The following DAB1 variants were observed in gnomAD, a reference collection of about 807,000 sequenced individuals.
DAB1 encodes DAB adaptor protein 1.
Under a neutral mutation model 64.6 loss-of-function variants are expected in DAB1, and 15 were observed. The observed-to-expected ratio is 0.23, with a 90% CI of 0.16 to 0.36. The LOEUF (loss-of-function observed/expected upper bound fraction) is 0.36, where lower values mean the gene tolerates loss of function less well. Among genes scored for constraint, DAB1 ranks in the 10% least tolerant of loss-of-function variants. The pLI, the probability that DAB1 is intolerant of heterozygous loss-of-function variation, is 1.00. For synonymous variants in DAB1, 235 were observed against 251.9 expected, an observed-to-expected ratio of 0.93 and a Z score of 0.64; for missense variants, 596 against 706.7, an observed-to-expected ratio of 0.84 and a Z score of 1.78.
chr1:57,383,619 G>A (rs539712505), intron 1 of DAB1, among the ~76,000 whole-genome samples: 2 of 152,238 alleles, frequency 1.3e-5, no homozygotes, highest in South Asian at 2.1e-4. Context: ...CACATAGAAG[G>A]TCAAATGATT....
chr1:58,252,709 A>G (rs1660832308), intron 4 of DAB1, among the ~76,000 whole-genome samples: 1 of 152,178 alleles, frequency 6.6e-6, no homozygotes, highest in African/African-American at 2.4e-5. Flanking sequence ...TGAGAAAGCT[A>G]AACCCCAGAC....
chr1:58,340,842 A>G (rs1356627252), intron 4 of DAB1, among the ~76,000 whole-genome samples: 1 of 152,228 alleles, frequency 6.6e-6, no homozygotes, highest in Non-Finnish European at 1.5e-5. Flanking sequence ...AATGGAATAC[A>G]TACTTCTCAG....
chr1:58,216,703 C>T (rs891642134), intron 4 of DAB1, among the ~76,000 whole-genome samples: 2 of 152,196 alleles, frequency 1.3e-5, no homozygotes, highest in Non-Finnish European at 2.9e-5. Flanking sequence ...TGTTTCCTGA[C>T]TTTTTAATGA....
chr1:58,197,233 C>T (rs933611230), intron 4 of DAB1, among the ~76,000 whole-genome samples: 1 of 152,094 alleles, frequency 6.6e-6, no homozygotes, highest in Non-Finnish European at 1.5e-5. Flanking sequence ...TAAACCCTGA[C>T]AAGATCTATT....
intron 5 of DAB1, chr1:58,074,536 A>C (rs1241014382): frequency 9.3e-6 from 1 of 107,400 alleles, no homozygotes; most frequent in Non-Finnish European, 1.8e-5. Flanking sequence ...ATATATATAT[A>C]TATATATACA....
At chr1:58,338,433 T>C (rs1663173293) in intron 4 of DAB1, among the ~76,000 whole-genome samples, 1 of 152,238 alleles carries the variant, frequency 6.6e-6, no homozygotes, top group Non-Finnish European at 1.5e-5. Context: ...AAGGCATAGA[T>C]ATTCTTCAAT....
intron 7 of DAB1, among the ~76,000 whole-genome samples, chr1:57,643,963 C>T (rs1646161302): frequency 6.6e-6 from 1 of 152,186 alleles, no homozygotes; most frequent in Non-Finnish European, 1.5e-5. Flanking sequence ...GCTAAATAAA[C>T]AGATGCAGTC....
chr1:57,359,916 G>A, intron 1 of DAB1, among the ~76,000 whole-genome samples: 1 of 152,016 alleles, frequency 6.6e-6, no homozygotes, highest in East Asian at 1.9e-4. Context: ...GTAGAATGGT[G>A]GCTACCAGAG....
intron 5 of DAB1, among the ~76,000 whole-genome samples, chr1:58,016,224 G>A (rs1467762478): frequency 1.3e-5 from 2 of 152,118 alleles, no homozygotes; most frequent in East Asian, 3.9e-4. Flanking sequence ...CACAGTCTCT[G>A]AACCAACCAT....
At chr1:57,773,434 T>A (rs1649654353) in intron 6 of DAB1, among the ~76,000 whole-genome samples, 1 of 151,974 alleles carries the variant, frequency 6.6e-6, no homozygotes. Flanking sequence ...ACTTTGTGAA[T>A]GTTTTTTCCA....
Position 57,376,591 on chromosome 1 carries a change from C to T in DAB1, c.-137+47339G>A, listed in dbSNP as rs1680914148. 8.5e-5 allele frequency among the ~76,000 whole-genome samples: 13 copies of T among 152,200 alleles called. No homozygotes were observed. The South Asian group carries it at 2.7e-3, about 32-fold the overall frequency. ...ACCTGTTGAGTGAATAAACAAATAC[C>T]TCTTGCTTACATGTTTGTTTCCAGC... On this transcript the variant is annotated intron_variant, in intron 1 of 14. Transcript: ENST00000371236.
intron 1 of DAB1, among the ~76,000 whole-genome samples, chr1:57,310,100 T>G (rs1674542537): frequency 6.6e-6 from 1 of 152,178 alleles, no homozygotes. Context: ...TATGTTCTAG[T>G]GAAGGTTGGT....
intron 2 of DAB1, among the ~76,000 whole-genome samples, chr1:57,218,688 A>G (rs369482434): frequency 1.8e-3 from 276 of 152,200 alleles, no homozygotes; most frequent in African/African-American, 6.6e-3. Flanking sequence ...ATGCTCCCAT[A>G]ATCCATATTT....
At chr1:57,327,082 G>C (rs934240084) in intron 1 of DAB1, among the ~76,000 whole-genome samples, 1 of 152,110 alleles carries the variant, frequency 6.6e-6, no homozygotes, top group Non-Finnish European at 1.5e-5. Context: ...GGGACTACAG[G>C]CGTGTGACCT....
At chr1:58,347,105 T>C (rs977164439) in intron 3 of DAB1, among the ~76,000 whole-genome samples, 11 of 151,524 alleles carry the variant, frequency 7.3e-5, no homozygotes, top group Admixed American at 4.6e-4. Context: ...TTTTGTTTTG[T>C]TTGTTTGTTT....
At position 57,315,876 on chromosome 1, in the gene DAB1, T is replaced by G. The variant is rs1675155495; in HGVS notation, c.-136-24710A>C. ...TTTCCTATGTTGGAAGACTATAAAC[T>G]CCTCCCACCACTGTTATTGTAAGTA... On this transcript the variant is annotated intron_variant, in intron 1 of 14. Coordinates refer to ENST00000371236, the MANE Select transcript of DAB1 (RefSeq NM_001365792.1). Among the ~76,000 whole-genome samples, 3 of 152,220 alleles carry G rather than the reference T, an allele frequency of 2.0e-5. No individual in the cohort carries two copies. The South Asian group carries it at 6.2e-4, about 32-fold the overall frequency.
At chr1:57,030,000 C>T (rs912426534) in intron 9 of DAB1, among the ~76,000 whole-genome samples, 1 of 152,078 alleles carries the variant, frequency 6.6e-6, no homozygotes, top group Non-Finnish European at 1.5e-5. Context: ...TTGGAGGGGC[C>T]AGGGGCAGAA....
chr1:57,160,577 G>T (rs1251347659), intron 2 of DAB1, among the ~76,000 whole-genome samples: 1 of 152,164 alleles, frequency 6.6e-6, no homozygotes, highest in Admixed American at 6.5e-5. Context: ...TCCTATTTTG[G>T]TTGTGGTGCT....
intron 5 of DAB1, among the ~76,000 whole-genome samples, chr1:58,077,367 C>T (rs1649719968): frequency 6.6e-6 from 1 of 152,096 alleles, no homozygotes. Context: ...ACAGATGATC[C>T]ACAGCAAGCC....
Sources: allele counts gnomAD v4.1 joint callset (sites outside exome capture counted in the v4.1 genomes callset), GRCh38; gene constraint gnomAD v4.1.1; transcripts MANE v1.5; gene names NCBI Gene and HGNC (gene_info 2026-07-23, HGNC 2026-07-21).